The following IVD variants were observed in gnomAD, a reference collection of about 807,000 sequenced individuals.
The protein encoded by IVD is isovaleryl-CoA dehydrogenase.
IVD carries 31 observed loss-of-function variants against 51.3 expected under a neutral mutation model. That is an observed-to-expected ratio of 0.60 (90% CI 0.45 to 0.81). The LOEUF (loss-of-function observed/expected upper bound fraction) is 0.81, where lower values mean the gene tolerates loss of function less well. IVD is among the 40% of genes least tolerant of loss of function. The pLI is 0.00. For missense variants in IVD, 475 were observed against 552.0 expected (o/e 0.86, Z 1.40); for synonymous variants, 205 against 219.4 (o/e 0.93, Z 0.58).
At chr15:40,435,620 A>C, downstream of IVD, 1 of 1,095,488 alleles carries the variant, frequency 9.1e-7, no homozygotes, top group Non-Finnish European at 1.1e-6. Flanking sequence ...ATGTTCTCCA[A>C]CGTCTTTGGG....
chr15:40,422,779 TAGTAG>T, downstream of IVD, among the ~76,000 whole-genome samples: 1 of 141,092 alleles, frequency 7.1e-6, no homozygotes, highest in East Asian at 2.2e-4. Context: ...TTTGTATTTT[TAGTAG>T]AGACGGGGTT....
chr15:40,435,680 C>G, downstream of IVD: 2 of 1,029,602 alleles, frequency 1.9e-6, no homozygotes, highest in Non-Finnish European at 2.4e-6. Context: ...CTACCCACTT[C>G]TCCAGCCTCA....
chr15:40,420,470 A>G lies in IVD; in HGVS notation c.*2207A>G. 1.0e-6 allele frequency: 1 copy of G among 987,678 alleles called. No homozygotes were observed. The highest frequency in any genetic ancestry group is 1.2e-6 in the Non-Finnish European group (1 of 830,142). 61.2% of individuals were successfully genotyped at this position (987,678 alleles called of 1,614,324 possible). On this transcript the variant is annotated 3_prime_UTR_variant, in exon 12 of 12. Transcript: ENST00000487418. The stretch of plus-strand genomic sequence containing the variant: ...AAACCTATCTGGGGAGAAGCAATCT[A>G]CTTGCCGCTGCTTCCTGTCTGGATC...
downstream of IVD, among the ~76,000 whole-genome samples, chr15:40,424,948 C>T (rs976515745): frequency 2.4e-4 from 36 of 152,326 alleles, 1 homozygote; most frequent in South Asian, 2.1e-4. Context: ...CAGGGCCAGC[C>T]GGCTTTGCCT....
At chr15:40,408,214 G>C (rs1440096412) in intron 3 of IVD, among the ~76,000 whole-genome samples, 1 of 152,206 alleles carries the variant, frequency 6.6e-6, no homozygotes, top group Non-Finnish European at 1.5e-5. Flanking sequence ...TTAGGTCATT[G>C]TGGCTCACTT....
intron 9 of IVD, 22 bp downstream of exon 9, chr15:40,415,504 A>G: frequency 6.2e-7 from 1 of 1,604,844 alleles, no homozygotes; most frequent in Non-Finnish European, 8.5e-7. Context: ...GCTTTTGCTG[A>G]CATGTACTCT....
chr15:40,434,570 G>A (rs779027256), intron 8 of IVD, among the ~76,000 whole-genome samples: 25 of 152,228 alleles, frequency 1.6e-4, no homozygotes, highest in Non-Finnish European at 3.4e-4. Context: ...GCAGCAGATG[G>A]TCAGGAATGT....
chr15:40,410,391 A>G (rs1890937039), intron 3 of IVD, among the ~76,000 whole-genome samples: 2 of 152,232 alleles, frequency 1.3e-5, no homozygotes, highest in Non-Finnish European at 2.9e-5. Flanking sequence ...GGGATAAAGC[A>G]GAAGTTGCAA....
At position 40,414,937 on chromosome 15, in the gene IVD, G is replaced by C. The variant is rs746615207; in HGVS notation, c.833G>C (p.Ser278Thr). 6.2e-6 allele frequency: 10 copies of C among 1,614,192 alleles called. No homozygotes were observed. The highest frequency in any genetic ancestry group is 8.5e-6 in the Non-Finnish European group (10 of 1,180,036). ...HENKGVYVLM[S>T]GLDLERLVLA... The stretch of plus-strand genomic sequence containing the variant: ...AATAAGGGTGTCTACGTGCTGATGA[G>C]TGGGCTGGACCTGGAGCGGCTGGTG... The change falls in exon 8 of 12, where the codon AGT becomes ACT. Residue 278 changes from serine (S) to threonine (T), a missense_variant. Transcript: ENST00000487418.
chr15:40,417,879 G>GA (rs1181320337), intron 11 of IVD, among the ~76,000 whole-genome samples: 4 of 152,160 alleles, frequency 2.6e-5, no homozygotes, highest in East Asian at 3.9e-4. Context: ...TATGTATAGG[G>GA]AAAAAAACAA....
Position 40,418,849 on chromosome 15 carries a change from C to A in IVD, c.*586C>A. ...GGGGGAAAAAAATAATAAACCTAGC[C>A]TAGCCAGGCGTGGTGGCTCATGCTT... is the stretch of plus-strand genomic sequence containing the variant. On this transcript the variant is annotated 3_prime_UTR_variant, in exon 12 of 12. Transcript: ENST00000487418. 1 of 876,698 alleles carries A rather than the reference C, an allele frequency of 1.1e-6. No individual in the cohort carries two copies. Among genetic ancestry groups the A allele is most frequent in the Non-Finnish European group, 1.4e-6 (1 of 690,404 alleles). 54.3% of individuals were successfully genotyped at this position (876,698 alleles called of 1,614,324 possible).
At chr15:40,435,395 A>T (rs1893210469) in intron 8 of IVD, 1 of 1,106,766 alleles carries the variant, frequency 9.0e-7, no homozygotes, top group African/African-American at 1.7e-5. Context: ...ACAGCGCTAA[A>T]AGAGGGCTCT....
Position 40,418,748 on chromosome 15 carries a change from C to T in IVD, c.*485C>T, listed in dbSNP as rs1891989014. The stretch of plus-strand genomic sequence containing the variant: ...TGGAACTTGGTACAGGTTAAGTATC[C>T]CTAATCCTGAAATCTGAAACACTTG... On this transcript the variant is annotated 3_prime_UTR_variant, in exon 12 of 12. Coordinates refer to ENST00000487418, the MANE Select transcript of IVD (RefSeq NM_002225.5). The T allele has an allele frequency of 9.1e-7, 1 of 1,098,870 alleles. No homozygotes were observed. Among genetic ancestry groups the T allele is most frequent in the Admixed American group, 4.8e-5 (1 of 20,904 alleles). 68.1% of individuals were successfully genotyped at this position (1,098,870 alleles called of 1,614,324 possible).
chr15:40,424,656 C>T (rs867274909), downstream of IVD, among the ~76,000 whole-genome samples: 26 of 152,214 alleles, frequency 1.7e-4, no homozygotes, highest in African/African-American at 6.3e-4. Context: ...GATCACCATC[C>T]AGCACAGTTC....
chr15:40,406,782 G>A (rs1566930689), intron 1 of IVD, among the ~76,000 whole-genome samples: 1 of 152,082 alleles, frequency 6.6e-6, no homozygotes, highest in Non-Finnish European at 1.5e-5. Flanking sequence ...AGCGCTCAGA[G>A]CTTCCGTGAA....
chr15:40,431,226 C>A (rs1292377283), intron 7 of IVD, among the ~76,000 whole-genome samples: 1 of 151,726 alleles, frequency 6.6e-6, no homozygotes. Context: ...TCAAGCTATC[C>A]TCCCACCTCT....
downstream of IVD, among the ~76,000 whole-genome samples, chr15:40,423,407 C>T (rs1334016675): frequency 6.6e-6 from 1 of 152,218 alleles, no homozygotes; most frequent in Non-Finnish European, 1.5e-5. Context: ...TCACTTCATA[C>T]CTCTAAGTGA....
Position 40,420,997 on chromosome 15 carries a change from G to A in IVD, c.*2734G>A. 2 of 985,498 alleles carry A rather than the reference G, an allele frequency of 2.0e-6. No homozygotes were observed. Among genetic ancestry groups the A allele is most frequent in the South Asian group, 9.4e-5 (2 of 21,292 alleles). The allele number at this position is 985,498 out of a possible 1,614,324, so 61.0% of individuals were successfully genotyped here. On this transcript the variant is annotated 3_prime_UTR_variant, in exon 12 of 12. Transcript: ENST00000487418. ...AAGTGCTGTTCCTAGCCTGAGGCTTGAGACAGGTGGGGTTGGCTCCTCACC... is the reference window on the plus strand; with the variant it reads ...AAGTGCTGTTCCTAGCCTGAGGCTTAAGACAGGTGGGGTTGGCTCCTCACC...
chr15:40,419,201 A>G lies in IVD; in HGVS notation c.*938A>G, dbSNP rs1402408471. 3 of 1,289,338 alleles carry G rather than the reference A, an allele frequency of 2.3e-6. No individual in the cohort carries two copies. The highest frequency in any genetic ancestry group is 4.3e-4 in the Middle Eastern group (2 of 4,696). 79.9% of individuals were successfully genotyped at this position (1,289,338 alleles called of 1,614,324 possible). On this transcript the variant is annotated 3_prime_UTR_variant, in exon 12 of 12. Coordinates refer to ENST00000487418, the MANE Select transcript of IVD (RefSeq NM_002225.5). ...CCAGTTTCTAGAGGTATCAGCTCCT[A>G]GCAGCTTATGAACACATATGCTTGC...
Sources: gnomAD v4.1 joint callset for allele counts (sites outside exome capture counted in the v4.1 genomes callset) on GRCh38, gnomAD v4.1.1 for gene constraint, MANE v1.5 for transcripts, NCBI Gene and HGNC (gene_info 2026-07-23, HGNC 2026-07-21) for gene names.